Variants in TMEM178B observed in about 807,000 individuals in gnomAD.
The protein encoded by TMEM178B is transmembrane protein 178B.
Under a neutral mutation model 31.0 loss-of-function variants are expected in TMEM178B, and 5 were observed. The observed-to-expected ratio is 0.16, with a 90% CI of 0.08 to 0.34. The LOEUF is 0.34. Among genes scored for constraint, TMEM178B ranks in the 10% least tolerant of loss-of-function variants. The pLI is 1.00. For missense variants in TMEM178B, 275 were observed against 400.3 expected (o/e 0.69, Z 2.67); for synonymous variants, 164 against 164.0 (o/e 1.00, Z 0.00).
At chr7:141,377,150 G>A (rs1351255831) in intron 2 of TMEM178B, among the ~76,000 whole-genome samples, 3 of 147,668 alleles carry the variant, frequency 2.0e-5, no homozygotes, top group Non-Finnish European at 4.5e-5. Flanking sequence ...ATCCATGGGG[G>A]CTACTTCTGT....
chr7:141,479,302 C>T lies in TMEM178B; in HGVS notation c.*8516C>T, dbSNP rs1802432855. On this transcript the variant is annotated 3_prime_UTR_variant, in exon 4 of 4. Coordinates refer to ENST00000565468, the MANE Select transcript of TMEM178B (RefSeq NM_001195278.2). Reference sequence around the variant, plus strand: ...AATATTTGGAGCTGTTTTCTGAATCCCTTAATTTTCTTAAATATTTATCTT... The same window carrying T: ...AATATTTGGAGCTGTTTTCTGAATCTCTTAATTTTCTTAAATATTTATCTT... 6.6e-6 allele frequency: 1 copy of T among 152,100 alleles called. No individual in the cohort carries two copies. Among genetic ancestry groups the T allele is most frequent in the Non-Finnish European group, 1.5e-5 (1 of 68,030 alleles). 9.4% of individuals were successfully genotyped at this position (152,100 alleles called of 1,614,324 possible).
At chr7:141,097,089 CAAA>C (rs113276063) in intron 1 of TMEM178B, among the ~76,000 whole-genome samples, 13 of 129,632 alleles carry the variant, frequency 1.0e-4, no homozygotes, top group Admixed American at 4.9e-4. Flanking sequence ...GAAGTTGTCT[CAAA>C]AAAAAAAAAA....
intron 3 of TMEM178B, among the ~76,000 whole-genome samples, chr7:141,446,959 A>C (rs1052561299): frequency 6.6e-6 from 1 of 152,166 alleles, no homozygotes; most frequent in African/African-American, 2.4e-5. Flanking sequence ...CAAACGCACT[A>C]CATGCCATCG....
intron 1 of TMEM178B, among the ~76,000 whole-genome samples, chr7:141,168,199 A>G (rs1383686238): frequency 1.3e-5 from 2 of 152,058 alleles, no homozygotes; most frequent in East Asian, 1.9e-4. Flanking sequence ...TCTCTTTTCT[A>G]ATCCAAAGAT....
intron 1 of TMEM178B, among the ~76,000 whole-genome samples, chr7:141,179,412 CAG>C (rs974918728): frequency 1.3e-5 from 2 of 151,918 alleles, no homozygotes; most frequent in African/African-American, 4.8e-5. Context: ...TTTTGAGGGA[CAG>C]AAGGCAAGGA....
chr7:141,105,714 G>T (rs948892931), intron 1 of TMEM178B, among the ~76,000 whole-genome samples: 3 of 152,114 alleles, frequency 2.0e-5, no homozygotes, highest in Non-Finnish European at 2.9e-5. Context: ...CAAAGTGTTT[G>T]GTCATTAGAA....
At chr7:141,291,113 G>A (rs1423584523) in intron 2 of TMEM178B, among the ~76,000 whole-genome samples, 1 of 152,176 alleles carries the variant, frequency 6.6e-6, no homozygotes, top group Non-Finnish European at 1.5e-5. Context: ...GCCTCCAGGA[G>A]ATAGCAGGAT....
intron 2 of TMEM178B, among the ~76,000 whole-genome samples, chr7:141,384,940 A>T (rs1229989595): frequency 6.6e-6 from 1 of 152,060 alleles, no homozygotes; most frequent in Non-Finnish European, 1.5e-5. Flanking sequence ...TGCATAATTG[A>T]TCTACTCATC....
At chr7:141,309,079 A>G (rs1319284761) in intron 2 of TMEM178B, among the ~76,000 whole-genome samples, 1 of 152,218 alleles carries the variant, frequency 6.6e-6, no homozygotes, top group Non-Finnish European at 1.5e-5. Flanking sequence ...ACACTTCAAC[A>G]AACACATTTT....
At chr7:141,155,766 C>T (rs920585374) in intron 1 of TMEM178B, among the ~76,000 whole-genome samples, 5 of 152,164 alleles carry the variant, frequency 3.3e-5, no homozygotes, top group African/African-American at 4.8e-5. Flanking sequence ...TGGCATCAGG[C>T]ATCTTAACAA....
At chr7:141,115,745 C>T (rs944779156) in intron 1 of TMEM178B, among the ~76,000 whole-genome samples, 1 of 152,178 alleles carries the variant, frequency 6.6e-6, no homozygotes, top group East Asian at 1.9e-4. Flanking sequence ...TTTCCAAGGG[C>T]ATTCACCTCT....
intron 2 of TMEM178B, among the ~76,000 whole-genome samples, chr7:141,306,807 C>T (rs1243179321): frequency 6.6e-6 from 1 of 152,172 alleles, no homozygotes; most frequent in Non-Finnish European, 1.5e-5. Flanking sequence ...CTACGTCACA[C>T]TGCTTGGCCT....
At chr7:141,193,706 T>C (rs1796733974) in intron 1 of TMEM178B, among the ~76,000 whole-genome samples, 1 of 152,186 alleles carries the variant, frequency 6.6e-6, no homozygotes, top group African/African-American at 2.4e-5. Flanking sequence ...CCTACCCATG[T>C]CTGCAGCCAT....
intron 2 of TMEM178B, among the ~76,000 whole-genome samples, chr7:141,216,870 C>T (rs1194974124): frequency 1.3e-5 from 2 of 151,990 alleles, no homozygotes; most frequent in Non-Finnish European, 2.9e-5. Flanking sequence ...GGTAGAACGG[C>T]ATTTATCCTG....
chr7:141,280,604 AC>A (rs2116397490), intron 2 of TMEM178B, among the ~76,000 whole-genome samples: 1 of 152,330 alleles, frequency 6.6e-6, no homozygotes, highest in African/African-American at 2.4e-5. Context: ...TTTAAAAATT[AC>A]CCAGTCTCAA....
intron 1 of TMEM178B, among the ~76,000 whole-genome samples, chr7:141,087,491 T>A (rs976316164): frequency 2.6e-5 from 4 of 152,114 alleles, no homozygotes; most frequent in African/African-American, 9.7e-5. Flanking sequence ...GATCATAGAT[T>A]GAACTTTAAA....
intron 1 of TMEM178B, among the ~76,000 whole-genome samples, chr7:141,103,268 T>G (rs1330797425): frequency 1.3e-5 from 2 of 152,134 alleles, no homozygotes; most frequent in Non-Finnish European, 2.9e-5. Flanking sequence ...ATCACCGGGG[T>G]AGGAAAGAGA....
chr7:141,099,865 T>C (rs1253849038), intron 1 of TMEM178B, among the ~76,000 whole-genome samples: 1 of 151,766 alleles, frequency 6.6e-6, no homozygotes, highest in Non-Finnish European at 1.5e-5. Flanking sequence ...AGTCTGGCTT[T>C]GTCGTCCAGG....
intron 1 of TMEM178B, among the ~76,000 whole-genome samples, chr7:141,166,804 A>T (rs1039681279): frequency 6.6e-6 from 1 of 152,230 alleles, no homozygotes; most frequent in African/African-American, 2.4e-5. Context: ...TCTCCTGCAG[A>T]TGTGAGCTAA....
Sources: allele counts gnomAD v4.1 joint callset (sites outside exome capture counted in the v4.1 genomes callset), GRCh38; gene constraint gnomAD v4.1.1; transcripts MANE v1.5; gene names NCBI Gene and HGNC (gene_info 2026-07-23, HGNC 2026-07-21).